SHPK: variants seen among roughly 807,000 people sequenced by gnomAD.
SHPK encodes the protein sedoheptulokinase.
A neutral mutation model predicts 46.3 loss-of-function variants in SHPK; 51 were observed. The ratio of observed to expected loss-of-function variants is 1.10; its 90% CI spans 0.88 to 1.39. SHPK has a LOEUF of 1.39. Among genes scored for constraint, SHPK ranks in the 40% most tolerant of loss-of-function variants. The pLI, the probability that SHPK is intolerant of heterozygous loss-of-function variation, is 0.00. For synonymous variants in SHPK, 290 were observed against 273.9 expected, an observed-to-expected ratio of 1.06 and a Z score of -0.58; for missense variants, 668 against 641.3, an observed-to-expected ratio of 1.04 and a Z score of -0.45.
Position 3,615,593 on chromosome 17 carries a change from G to A in SHPK, c.824-56C>T, listed in dbSNP as rs1274723799. The stretch of plus-strand genomic sequence containing the variant: ...TGTCGGGCTAACTCAGAGGTCACAA[G>A]TCACAGTTTGGCAGTGAGAGGGGGT... On this transcript the variant is annotated intron_variant, in intron 5 of 6. Coordinates refer to ENST00000225519, the MANE Select transcript of SHPK (RefSeq NM_013276.4). 11 of 1,526,228 alleles carry A rather than the reference G, an allele frequency of 7.2e-6. No individual in the cohort carries two copies. In the Admixed American group the frequency reaches 1.9e-4, roughly 27 times the overall value. The allele number at this position is 1,526,228 out of a possible 1,614,324, so 94.5% of individuals were successfully genotyped here.
chr17:3,627,910 C>G (rs1457132867), intron 2 of SHPK, among the ~76,000 whole-genome samples: 2 of 152,036 alleles, frequency 1.3e-5, no homozygotes, highest in Admixed American at 1.3e-4. Context: ...ACACCCTAAT[C>G]GCCTTCTGCT....
At chr17:3,627,462 A>G (rs8073757) in intron 2 of SHPK, among the ~76,000 whole-genome samples, 23,387 of 151,762 alleles carry the variant, frequency 0.15, 2,534 homozygotes, top group East Asian at 0.5. Context: ...CTTCATTTCT[A>G]TCTCTCCCCC....
chr17:3,623,290 C>A, intron 4 of SHPK, 49 bp downstream of exon 4: 1 of 1,603,530 alleles, frequency 6.2e-7, no homozygotes, highest in African/African-American at 1.3e-5. Context: ...TCCGGGGTTG[C>A]CCTTCAGATT....
chr17:3,611,110 G>A, intron 6 of SHPK, 138 bp from the exon 7 acceptor site: 1 of 820,588 alleles, frequency 1.2e-6, no homozygotes, highest in Non-Finnish European at 1.9e-6. Context: ...TCTGGGCTCA[G>A]GGACTGCTAT....
At chr17:3,633,858 G>A (rs1052042880) in intron 1 of SHPK, among the ~76,000 whole-genome samples, 4 of 151,982 alleles carry the variant, frequency 2.6e-5, no homozygotes, top group Admixed American at 1.3e-4. Flanking sequence ...TTGAGAAATC[G>A]GATGGTTGCT....
At chr17:3,634,590 A>AG in intron 1 of SHPK, among the ~76,000 whole-genome samples, 1 of 151,180 alleles carries the variant, frequency 6.6e-6, no homozygotes, top group Middle Eastern at 3.4e-3. Context: ...AAAAAAAAAA[A>AG]AAAGAAGTGC....
Position 3,621,427 on chromosome 17 carries a change from T to G in SHPK, c.648-15A>C. The stretch of plus-strand genomic sequence containing the variant: ...AGCTCCTCAGTCTGTAAAACAGAAG[T>G]GGACACCCACATGGACCCACAGTTA... On this transcript the variant is annotated splice_polypyrimidine_tract_variant and intron_variant, in intron 4 of 6. Coordinates refer to ENST00000225519, the MANE Select transcript of SHPK (RefSeq NM_013276.4). 6.2e-7 allele frequency: 1 copy of G among 1,612,028 alleles called. No homozygotes were observed. Among genetic ancestry groups the G allele is most frequent in the Non-Finnish European group, 8.5e-7 (1 of 1,178,902 alleles).
At chr17:3,618,394 C>T (rs1468699422) in intron 5 of SHPK, among the ~76,000 whole-genome samples, 9 of 152,040 alleles carry the variant, frequency 5.9e-5, no homozygotes, top group Non-Finnish European at 1.2e-4. Context: ...TGTAAGCCAC[C>T]GCACCCAGCC....
chr17:3,626,013 A>G (rs1254590641), intron 2 of SHPK, among the ~76,000 whole-genome samples: 1 of 152,136 alleles, frequency 6.6e-6, no homozygotes, highest in Non-Finnish European at 1.5e-5. Flanking sequence ...AGATCGCACC[A>G]CTGCACTCCA....
At chr17:3,632,099 GGT>G (rs1338921999) in intron 1 of SHPK, among the ~76,000 whole-genome samples, 6 of 151,684 alleles carry the variant, frequency 4.0e-5, no homozygotes, top group Admixed American at 3.9e-4. Context: ...TGGGACTATA[GGT>G]GCGCGCCACC....
In SHPK at chr17:3,628,585, T is replaced by C. The variant is rs145966826; in HGVS notation, c.310+1620A>G. On this transcript the variant is annotated intron_variant, in intron 2 of 6. Transcript: ENST00000225519. ...ATCTGCCCGCCTCAGCCTCCCAAAG[T>C]GCTGGGATTACAGGCGTGAGCCATT... Among the ~76,000 whole-genome samples, 84 of 152,228 alleles carry C rather than the reference T, an allele frequency of 5.5e-4. 2 individuals are homozygous for C. The East Asian group carries it at 0.015, about 28-fold the overall frequency.
At position 3,624,099 on chromosome 17, in the gene SHPK, C is replaced by A; in HGVS notation, c.443G>T (p.Ser148Ile). Residue 148 changes from serine to isoleucine, a missense_variant, in exon 3 of 7, where the codon AGT (serine) becomes ATT (isoleucine). By Grantham distance (142) the Ser-to-Ile change is moderately radical (BLOSUM62 -2). Coordinates refer to ENST00000225519, the MANE Select transcript of SHPK (RefSeq NM_013276.4). ...ASLPQPKSHL[S>I]VATGFGCATI... is the part of the protein sequence containing the mutation. ...TGCACAGCCGAAGCCCGTGGCCACA[C>A]TGAGATGAGACTTCGGCTGGGGCAG... is the stretch of plus-strand genomic sequence containing the variant. 6.2e-7 allele frequency: 1 copy of A among 1,614,070 alleles called. No individual in the cohort carries two copies. Among genetic ancestry groups the A allele is most frequent in the Non-Finnish European group, 8.5e-7 (1 of 1,179,914 alleles).
chr17:3,615,280 C>T (rs1199957361), intron 6 of SHPK, 57 bp downstream of exon 6: 2 of 1,568,796 alleles, frequency 1.3e-6, no homozygotes, highest in South Asian at 1.1e-5. Context: ...AGCTCCGAGA[C>T]CCTGCCGGGT....
chr17:3,633,483 T>C (rs1379188984), intron 1 of SHPK, among the ~76,000 whole-genome samples: 1 of 151,734 alleles, frequency 6.6e-6, no homozygotes, highest in Non-Finnish European at 1.5e-5. Flanking sequence ...CAGCCCAAAA[T>C]GTCAGCAGCA....
chr17:3,632,281 GC>G (rs2075477490), intron 1 of SHPK, among the ~76,000 whole-genome samples: 1 of 152,178 alleles, frequency 6.6e-6, no homozygotes, highest in African/African-American at 2.4e-5. Context: ...ACTGGACAGA[GC>G]TAGTTTAAAG....
chr17:3,610,889 G>T lies in SHPK; in HGVS notation c.1108C>A (p.Pro370Thr). 3 of 1,613,996 alleles carry T rather than the reference G, an allele frequency of 1.9e-6. No individual in the cohort carries two copies. The highest frequency in any genetic ancestry group is 2.5e-6 in the Non-Finnish European group (3 of 1,179,974). Reference sequence around the variant, plus strand: ...AGGTGCCTCTCCCCCAGCACTGTCGGGGTGATGGTCAGGTGGGTATCTCTC... The same window carrying T: ...AGGTGCCTCTCCCCCAGCACTGTCGTGGTGATGGTCAGGTGGGTATCTCTC... ...QQRDTHLTIT[P>T]TVLGERHLPD... The change falls in exon 7 of 7, where the codon CCG (proline) becomes ACG (threonine). Residue 370 changes from proline (P) to threonine (T), a missense_variant. Pro to Thr is a conservative substitution (Grantham distance 38). Coordinates refer to ENST00000225519, the MANE Select transcript of SHPK (RefSeq NM_013276.4).
chr17:3,627,018 C>T (rs963773590), intron 2 of SHPK, among the ~76,000 whole-genome samples: 4 of 152,154 alleles, frequency 2.6e-5, no homozygotes, highest in Non-Finnish European at 2.9e-5. Flanking sequence ...TGTTTTCATC[C>T]GCACAGCTCT....
At chr17:3,615,190 AGG>A in intron 6 of SHPK, 145 bp downstream of exon 6, 1 of 713,690 alleles carries the variant, frequency 1.4e-6, no homozygotes, top group Admixed American at 2.6e-5. Context: ...CAGATCCCAA[AGG>A]ATGGGAGAAA....
rs773608468 is a variant in SHPK, at chr17:3,623,400, C to T, written c.586G>A (p.Asp196Asn). The T allele has an allele frequency of 1.1e-5, 18 of 1,614,036 alleles. No homozygotes were observed. Among genetic ancestry groups the T allele is most frequent in the East Asian group, 1.1e-4 (5 of 44,904 alleles). Residue 196 changes from aspartate to asparagine, a missense_variant, in exon 4 of 7, where the codon GAC becomes AAC. Coordinates refer to ENST00000225519, the MANE Select transcript of SHPK (RefSeq NM_013276.4). ...LCGLPRPLMS[D>N]QNAASWGYFN... ...TAGCCCCAGCTGGCAGCATTCTGGT[C>T]GGACATCAGAGGTCTTGGCAAGCCA...
Sources: allele counts gnomAD v4.1 joint callset (sites outside exome capture counted in the v4.1 genomes callset), GRCh38; gene constraint gnomAD v4.1.1; transcripts MANE v1.5; gene names NCBI Gene and HGNC (gene_info 2026-07-23, HGNC 2026-07-21).